RBFOX1: variants seen among roughly 807,000 people sequenced by gnomAD.
The protein encoded by RBFOX1 is RNA binding protein fox-1 homolog 1.
A neutral mutation model predicts 57.7 loss-of-function variants in RBFOX1; 8 were observed. The ratio of observed to expected loss-of-function variants is 0.14; its 90% CI spans 0.08 to 0.25. The LOEUF is 0.25. Ranked by LOEUF, RBFOX1 falls within the 10% of genes least tolerant of loss-of-function variation. The probability of loss-of-function intolerance (pLI) is 1.00; values close to 1 mark genes in which losing one functional copy is unlikely to be tolerated. For missense variants in RBFOX1, 611 were observed against 548.5 expected (o/e 1.11, Z -1.14); for synonymous variants, 326 against 222.4 (o/e 1.47, Z -4.15).
intron 1 of RBFOX1, among the ~76,000 whole-genome samples, chr16:5,339,272 G>T (rs2064975463): frequency 6.6e-6 from 1 of 151,866 alleles, no homozygotes; most frequent in African/African-American, 2.4e-5. Flanking sequence ...AGGTCTGTCT[G>T]CCCCCGCTGC....
chr16:5,490,781 A>G (rs1487119631), intron 2 of RBFOX1, among the ~76,000 whole-genome samples: 4 of 152,182 alleles, frequency 2.6e-5, no homozygotes, highest in Admixed American at 2.0e-4. Flanking sequence ...GCCGTGGGCT[A>G]GAAGTGCATC....
At chr16:6,507,967 T>A (rs1251809384) in intron 2 of RBFOX1, among the ~76,000 whole-genome samples, 2 of 152,252 alleles carry the variant, frequency 1.3e-5, no homozygotes, top group African/African-American at 2.4e-5. Context: ...TCAACCTAAA[T>A]GCCCATCAAT....
At chr16:6,310,900 TTAAAAAA>T (rs1180494842) in intron 1 of RBFOX1, among the ~76,000 whole-genome samples, 7 of 117,128 alleles carry the variant, frequency 6.0e-5, no homozygotes, top group East Asian at 5.1e-4. Flanking sequence ...TACCAGTGGT[TTAAAAAA>T]AAAAAAAAAA....
chr16:6,504,281 A>C (rs538192739), intron 2 of RBFOX1, among the ~76,000 whole-genome samples: 2 of 152,122 alleles, frequency 1.3e-5, no homozygotes, highest in African/African-American at 2.4e-5. Context: ...TTGGGAATCT[A>C]TTTGCTTTGG....
chr16:5,393,555 C>T (rs911713871), intron 1 of RBFOX1, among the ~76,000 whole-genome samples: 1 of 152,268 alleles, frequency 6.6e-6, no homozygotes, highest in African/African-American at 2.4e-5. Flanking sequence ...AGGATTTTGT[C>T]CTGCTCAATG....
Position 7,518,224 on chromosome 16 carries a change from C to G in RBFOX1, c.105C>G (p.Asn35Lys), listed in dbSNP as rs542828240. 3 of 1,614,126 alleles carry G rather than the reference C, an allele frequency of 1.9e-6. No homozygotes were observed. The highest frequency in any genetic ancestry group is 1.7e-5 in the Admixed American group (1 of 60,018). ...YASAQFAPPQ[N>K]GIPAEYTAPH... ...CGGCCCAGTTTGCTCCCCCGCAGAA[C>G]GGTATCCCCGCGGAATACACGGCCC... Residue 35 changes from asparagine to lysine, a missense_variant, in exon 5 of 16, where the codon AAC becomes AAG. By Grantham distance (94) the Asn-to-Lys change is moderately conservative. This residue lies in a region of RBFOX1 where 245 missense variants were observed against 159.1 expected (regional missense o/e 1.54). Transcript: ENST00000550418.
chr16:5,290,999 C>T (rs1288344510), intron 1 of RBFOX1, among the ~76,000 whole-genome samples: 1 of 152,150 alleles, frequency 6.6e-6, no homozygotes, highest in Non-Finnish European at 1.5e-5. Flanking sequence ...TGCGCTCAGC[C>T]AGATTTAAGG....
chr16:7,132,284 G>T (rs1401163675), intron 4 of RBFOX1, among the ~76,000 whole-genome samples: 1 of 151,968 alleles, frequency 6.6e-6, no homozygotes, highest in Non-Finnish European at 1.5e-5. Context: ...TCCGGCCAGA[G>T]TCCAAGTTCA....
At chr16:7,491,042 A>G (rs902711090) in intron 4 of RBFOX1, among the ~76,000 whole-genome samples, 4 of 152,150 alleles carry the variant, frequency 2.6e-5, no homozygotes, top group African/African-American at 9.7e-5. Flanking sequence ...TCAACTCCAG[A>G]TTCTAAAGAG....
chr16:6,579,204 A>G (rs554762328), intron 2 of RBFOX1, among the ~76,000 whole-genome samples: 3 of 151,532 alleles, frequency 2.0e-5, no homozygotes, highest in Admixed American at 2.0e-4. Flanking sequence ...CTTTTTTGTT[A>G]TTGTTGTTTT....
intron 3 of RBFOX1, among the ~76,000 whole-genome samples, chr16:5,826,806 C>T (rs1199536682): frequency 6.6e-6 from 1 of 152,264 alleles, no homozygotes; most frequent in East Asian, 1.9e-4. Flanking sequence ...ATTATTTATT[C>T]ATTTGTTAAC....
At position 6,964,296 on chromosome 16, in the gene RBFOX1, G is replaced by T. The variant is rs1194208111; in HGVS notation, c.-15-87761G>T. 2.6e-5 allele frequency among the ~76,000 whole-genome samples: 4 copies of T among 152,200 alleles called. No homozygotes were observed. The East Asian group carries it at 7.7e-4, about 29-fold the overall frequency. Reference sequence around the variant, plus strand: ...GACCTCCCAAAGTGGTGGGATTATAGGCATGAGCTGTTGTGCCTGGCAGCA... The same window carrying T: ...GACCTCCCAAAGTGGTGGGATTATATGCATGAGCTGTTGTGCCTGGCAGCA... On this transcript the variant is annotated intron_variant, in intron 3 of 15. Coordinates refer to ENST00000550418, the MANE Select transcript of RBFOX1 (RefSeq NM_018723.4).
intron 1 of RBFOX1, among the ~76,000 whole-genome samples, chr16:6,205,264 A>G (rs537055821): frequency 6.6e-6 from 1 of 152,296 alleles, no homozygotes; most frequent in East Asian, 1.9e-4. Flanking sequence ...AGATTAGCTT[A>G]ATGTTGCCTA....
chr16:7,519,806 G>A, intron 5 of RBFOX1: 1 of 821,474 alleles, frequency 1.2e-6, no homozygotes, highest in Non-Finnish European at 1.5e-6. Flanking sequence ...TACATTTCCT[G>A]TGATAAAAGA....
intron 4 of RBFOX1, among the ~76,000 whole-genome samples, chr16:7,233,751 A>T (rs895914226): frequency 6.6e-6 from 1 of 152,180 alleles, no homozygotes; most frequent in Non-Finnish European, 1.5e-5. Flanking sequence ...ACATAACAAC[A>T]TTTGGGAATT....
intron 3 of RBFOX1, among the ~76,000 whole-genome samples, chr16:6,913,963 A>G (rs955213814): frequency 2.6e-5 from 4 of 152,084 alleles, no homozygotes; most frequent in African/African-American, 9.7e-5. Flanking sequence ...GATGATTTAT[A>G]CTCCCCACCT....
intron 1 of RBFOX1, among the ~76,000 whole-genome samples, chr16:5,459,307 G>C (rs2068720774): frequency 6.6e-6 from 1 of 152,188 alleles, no homozygotes; most frequent in African/African-American, 2.4e-5. Flanking sequence ...TATAGCTCCA[G>C]CTCGCCTATT....
intron 3 of RBFOX1, among the ~76,000 whole-genome samples, chr16:6,907,195 G>A (rs1018611404): frequency 6.6e-6 from 1 of 152,124 alleles, no homozygotes; most frequent in Non-Finnish European, 1.5e-5. Flanking sequence ...GGCATCTGTA[G>A]GGCAGGGGCC....
rs117070702 is a variant in RBFOX1, at chr16:7,079,329, A to C, written c.27+27231A>C. Among the ~76,000 whole-genome samples the C allele has an allele frequency of 6.0e-3, 910 of 152,280 alleles. 8 individuals carry two copies. The highest frequency in any genetic ancestry group is 0.01 in the Admixed American group (159 of 15,292). On this transcript the variant is annotated intron_variant, in intron 4 of 15. Transcript: ENST00000550418. ...AGGTTTGTTAAGAGGAGACCAGTGC[A>C]TGTTCCTAAAAGAAGGGGAGCAGAG...
Sources: allele counts gnomAD v4.1 joint callset (sites outside exome capture counted in the v4.1 genomes callset), GRCh38; gene constraint gnomAD v4.1.1; regional missense constraint gnomAD v4.1.1; transcripts MANE v1.5; gene names NCBI Gene and HGNC (gene_info 2026-07-23, HGNC 2026-07-21).